The following KDM3A variants were observed in gnomAD, a reference collection of about 807,000 sequenced individuals.
The protein encoded by KDM3A is lysine demethylase 3A, also known as lysine-specific demethylase 3A.
Under a neutral mutation model 158.0 loss-of-function variants are expected in KDM3A, and 60 were observed. The observed-to-expected ratio is 0.38, with a 90% CI of 0.31 to 0.47. The LOEUF (loss-of-function observed/expected upper bound fraction) is 0.47. Ranked by LOEUF, KDM3A falls within the 20% of genes least tolerant of loss-of-function variation. The pLI is 0.99. For missense variants in KDM3A, 1,319 were observed against 1,574.3 expected, an observed-to-expected ratio of 0.84 and a Z score of 2.74; for synonymous variants, 608 against 549.3, an observed-to-expected ratio of 1.11 and a Z score of -1.49.
At chr2:86,472,281 G>C (rs1026021540) in intron 11 of KDM3A, among the ~76,000 whole-genome samples, 1 of 151,832 alleles carries the variant, frequency 6.6e-6, no homozygotes, top group East Asian at 1.9e-4. Context: ...CTAATGCTGC[G>C]TAGTAGAAGC....
chr2:86,478,307 G>T, intron 14 of KDM3A, 42 bp downstream of exon 14: 1 of 1,413,076 alleles, frequency 7.1e-7, no homozygotes, highest in Non-Finnish European at 1.0e-6. Flanking sequence ...CCTTGTCTTG[G>T]TTAACTCATG....
At chr2:86,485,967 T>A in intron 21 of KDM3A, 108 bp downstream of exon 21, 1 of 1,099,580 alleles carries the variant, frequency 9.1e-7, no homozygotes, top group Non-Finnish European at 1.3e-6. Flanking sequence ...TCCTAATGCG[T>A]AATACAGCCA....
At chr2:86,487,494 C>T (rs1674236953) in intron 21 of KDM3A, 1 of 152,144 alleles carries the variant, frequency 6.6e-6, no homozygotes, top group Admixed American at 6.5e-5. Context: ...TCCTGCAACA[C>T]CCCCCATTTT....
At chr2:86,450,442 CTTT>C (rs1672399219) in intron 3 of KDM3A, among the ~76,000 whole-genome samples, 1 of 152,178 alleles carries the variant, frequency 6.6e-6, no homozygotes, top group South Asian at 2.1e-4. Context: ...ATCTTATGAT[CTTT>C]AAGGTTCCCT....
intron 19 of KDM3A, 81 bp downstream of exon 19, chr2:86,484,239 G>C (rs1049802105): frequency 8.3e-7 from 1 of 1,210,888 alleles, no homozygotes; most frequent in Non-Finnish European, 1.2e-6. Flanking sequence ...AGACCCATCA[G>C]TGGCAGCCGC....
At position 86,482,093 on chromosome 2, in the gene KDM3A, T is replaced by A. The variant is rs780670809; in HGVS notation, c.2676T>A (p.Ser892=). The A allele has an allele frequency of 9.9e-6, 16 of 1,613,356 alleles. No homozygotes were observed. The South Asian group carries it at 1.4e-4, about 14-fold the overall frequency. ...TCCTCCGGAATCTCTTGAATTCTTC[T>A]ACAGGAAAGGTATGTGTTTGTTTGT... ...SGFLRNLLNS[S]TGKTENGLKN... Residue 892 remains serine (S), a synonymous_variant, in exon 17 of 26, where the codon TCT becomes TCA. Transcript: ENST00000312912.
intron 2 of KDM3A, chr2:86,443,451 G>C (rs1276634845): frequency 6.6e-6 from 1 of 152,186 alleles, no homozygotes; most frequent in Non-Finnish European, 1.5e-5. Context: ...TTGTTGAAAA[G>C]GAGGAGTGAC....
intron 10 of KDM3A, among the ~76,000 whole-genome samples, chr2:86,468,256 A>AGCTGT (rs1452633176): frequency 1.3e-5 from 2 of 152,224 alleles, no homozygotes; most frequent in Non-Finnish European, 2.9e-5. Flanking sequence ...AAGTTAATAT[A>AGCTGT]GCTGTTAATT....
In KDM3A at chr2:86,483,975, C is replaced by T; in HGVS notation, c.2923-12C>T. ...CAGAGTTCAGACTAAAGTTTTCCTT[C>T]TCTTCATTTAGCCAGTGATGGTGTC... On this transcript the variant is annotated splice_polypyrimidine_tract_variant and intron_variant, in intron 18 of 25. Transcript: ENST00000312912. 3.7e-6 allele frequency: 6 copies of T among 1,603,206 alleles called. No individual in the cohort carries two copies. The highest frequency in any genetic ancestry group is 4.3e-6 in the Non-Finnish European group (5 of 1,174,906).
intron 24 of KDM3A, 38 bp downstream of exon 24, chr2:86,491,095 A>C: frequency 6.2e-7 from 1 of 1,613,152 alleles, no homozygotes; most frequent in Non-Finnish European, 8.5e-7. Flanking sequence ...TCTTTATGTC[A>C]TGAACTTTTG....
upstream of KDM3A, chr2:86,441,192 G>A (rs1487465035): frequency 1.3e-5 from 2 of 152,590 alleles, no homozygotes; most frequent in East Asian, 1.9e-4. Flanking sequence ...GGAAAGGGAG[G>A]AGGCAGCCAA....
chr2:86,490,366 A>C (rs1467774471), intron 23 of KDM3A: 1 of 153,026 alleles, frequency 6.5e-6, no homozygotes, highest in African/African-American at 2.4e-5. Context: ...GTTTGAATCA[A>C]AGTGTTTCTG....
upstream of KDM3A, among the ~76,000 whole-genome samples, chr2:86,440,423 T>C (rs754712158): frequency 1.6e-4 from 24 of 152,222 alleles, no homozygotes; most frequent in Non-Finnish European, 3.1e-4. Flanking sequence ...TTCTTTTTCA[T>C]TCAATCAAAA....
Position 86,482,206 on chromosome 2 carries a change from C to CT in KDM3A, c.2685+106dup. The CT allele has an allele frequency of 3.0e-6, 4 of 1,333,490 alleles. No homozygotes were observed. The South Asian group carries it at 4.9e-5, about 16-fold the overall frequency. 82.6% of individuals were successfully genotyped at this position (1,333,490 alleles called of 1,614,324 possible). A position where few individuals can be genotyped will look rare whatever the true frequency, so the allele number is the denominator to read the frequency against. ...AGTAGAAAGGAGACTGAATCACATA[C>CT]TTACCTTTGTGGGTTCAGAAGGCTG... On this transcript the variant is annotated intron_variant, in intron 17 of 25. Coordinates refer to ENST00000312912, the MANE Select transcript of KDM3A (RefSeq NM_018433.6).
At chr2:86,485,213 A>G (rs1187301234) in intron 20 of KDM3A, among the ~76,000 whole-genome samples, 184 bp downstream of exon 20, 1 of 152,226 alleles carries the variant, frequency 6.6e-6, no homozygotes, top group Non-Finnish European at 1.5e-5. Context: ...GAGATGAAGA[A>G]GTGATTGGCT....
intron 2 of KDM3A, among the ~76,000 whole-genome samples, chr2:86,448,780 T>A (rs1683051003): frequency 6.6e-6 from 1 of 152,226 alleles, no homozygotes; most frequent in South Asian, 2.1e-4. Flanking sequence ...GAGACCTCTT[T>A]AGTAAGAGGA....
upstream of KDM3A, among the ~76,000 whole-genome samples, chr2:86,439,193 A>G (rs1332028084): frequency 6.6e-6 from 1 of 152,060 alleles, no homozygotes; most frequent in Non-Finnish European, 1.5e-5. Flanking sequence ...CAAGTGTTCA[A>G]TGTGACTGCA....
chr2:86,491,404 G>A (rs1003093298), intron 25 of KDM3A, 129 bp downstream of exon 25: 11 of 867,882 alleles, frequency 1.3e-5, no homozygotes, highest in Admixed American at 2.2e-5. Flanking sequence ...CGAGGAACTT[G>A]CTTTATATCT....
chr2:86,470,200 C>T lies in KDM3A; in HGVS notation c.1520-4C>T, dbSNP rs1243293143. ...CCTGTCTCCTTAATCTTTTGTTTTC[C>T]TAGCCCCATCCAGGAAGTCGGTTTT... On this transcript the variant is annotated splice_region_variant and splice_polypyrimidine_tract_variant and intron_variant, in intron 10 of 25. Transcript: ENST00000312912. 1.1e-5 allele frequency: 18 copies of T among 1,613,394 alleles called. No individual in the cohort carries two copies. The highest frequency in any genetic ancestry group is 1.7e-4 in the Middle Eastern group (1 of 5,926).
Sources: allele counts gnomAD v4.1 joint callset (sites outside exome capture counted in the v4.1 genomes callset), GRCh38; gene constraint gnomAD v4.1.1; transcripts MANE v1.5; gene names NCBI Gene and HGNC (gene_info 2026-07-23, HGNC 2026-07-21).